The following ASCC3 variants were observed in gnomAD, a reference collection of about 807,000 sequenced individuals.
ASCC3 encodes the protein activating signal cointegrator 1 complex subunit 3.
In ASCC3, 158 loss-of-function variants were observed where a neutral mutation model predicts 256.3. That is an observed-to-expected ratio of 0.62 (90% CI 0.54 to 0.70). The LOEUF is 0.70. Ranked by LOEUF, ASCC3 falls within the 30% of genes least tolerant of loss-of-function variation. ASCC3 has a pLI of 0.00. For missense variants in ASCC3, 2,259 were observed against 2,626.0 expected (o/e 0.86, Z 3.05); for synonymous variants, 948 against 883.4 (o/e 1.07, Z -1.30).
intron 36 of ASCC3, among the ~76,000 whole-genome samples, chr6:100,547,855 C>T (rs1380046767): frequency 2.0e-5 from 3 of 151,302 alleles, no homozygotes; most frequent in African/African-American, 7.3e-5. Flanking sequence ...TAGTTGGCAG[C>T]AGCATTATTT....
intron 10 of ASCC3, among the ~76,000 whole-genome samples, chr6:100,741,995 G>A (rs575359420): frequency 7.9e-5 from 12 of 152,176 alleles, no homozygotes; most frequent in East Asian, 1.9e-4. Context: ...TCATCTTTGC[G>A]GGCTTATTTA....
intron 3 of ASCC3, among the ~76,000 whole-genome samples, chr6:100,851,894 TTCACCATC>T (rs1772687942): frequency 3.3e-5 from 5 of 152,172 alleles, no homozygotes; most frequent in Non-Finnish European, 7.3e-5. Flanking sequence ...AACTTCCACT[TTCACCATC>T]TTCCTGCAAC....
chr6:100,562,332 G>A (rs1467810859), intron 36 of ASCC3, among the ~76,000 whole-genome samples: 1 of 151,938 alleles, frequency 6.6e-6, no homozygotes, highest in Non-Finnish European at 1.5e-5. Flanking sequence ...AGGTATCACT[G>A]GAAATTCCTC....
chr6:100,721,738 A>G (rs970122447), intron 11 of ASCC3, among the ~76,000 whole-genome samples: 8 of 151,606 alleles, frequency 5.3e-5, no homozygotes, highest in African/African-American at 1.9e-4. Flanking sequence ...TATTTCTACA[A>G]TTTCATTTCT....
chr6:100,599,116 G>GA, intron 34 of ASCC3, among the ~76,000 whole-genome samples: 1 of 152,246 alleles, frequency 6.6e-6, no homozygotes, highest in East Asian at 1.9e-4. Context: ...GAAGGCTGGA[G>GA]AAATAAAATT....
At chr6:100,675,286 G>C (rs1433756122) in intron 14 of ASCC3, among the ~76,000 whole-genome samples, 3 of 152,086 alleles carry the variant, frequency 2.0e-5, no homozygotes, top group Middle Eastern at 3.2e-3. Context: ...ACTCTGTGAA[G>C]ATGATATTTT....
intron 10 of ASCC3, among the ~76,000 whole-genome samples, chr6:100,743,503 C>G (rs1780528457): frequency 6.6e-6 from 1 of 152,118 alleles, no homozygotes. Context: ...CCTATCAAAA[C>G]AGGCCACCTT....
rs554758557 is a variant in ASCC3 at position 100,525,956 on chromosome 6, T to C, written c.5776-7814A>G. On this transcript the variant is annotated intron_variant, in intron 37 of 41. Coordinates refer to ENST00000369162, the MANE Select transcript of ASCC3 (RefSeq NM_006828.4). ...CAATGATGGGAAAACCTGAAAAAGC[T>C]TTCTTGACAGAAAAGCCACTCCTTT... 4.6e-5 allele frequency among the ~76,000 whole-genome samples: 7 copies of C among 152,308 alleles called. No individual in the cohort carries two copies. The South Asian group carries it at 1.5e-3, about 32-fold the overall frequency.
intron 10 of ASCC3, among the ~76,000 whole-genome samples, chr6:100,740,339 G>A (rs745681197): frequency 1.1e-4 from 17 of 152,288 alleles, no homozygotes; most frequent in Non-Finnish European, 2.1e-4. Context: ...GTTGAGGAGT[G>A]TTTTACTTCC....
chr6:100,636,734 G>C (rs945429783), intron 25 of ASCC3, among the ~76,000 whole-genome samples: 26 of 152,176 alleles, frequency 1.7e-4, no homozygotes, highest in African/African-American at 6.3e-4. Context: ...ATAAGAAAGT[G>C]AAAGTTTTAT....
intron 8 of ASCC3, among the ~76,000 whole-genome samples, chr6:100,774,647 G>A (rs1430083513): frequency 6.6e-6 from 1 of 152,118 alleles, no homozygotes; most frequent in Non-Finnish European, 1.5e-5. Flanking sequence ...TTACAGGCGT[G>A]AGCCACTGCA....
At position 100,629,066 on chromosome 6, in the gene ASCC3, TC is replaced by T. The variant is rs770720583; in HGVS notation, c.4323del (p.Asn1442ThrfsTer11). The stretch of plus-strand genomic sequence containing the variant: ...AGAATAGTGACTTGCTGAACATAGT[TC>T]CTATTTTGCCAGCTTCTGCTGACTC... ...WDGVSRSWQN[R>X]NYVQQVTILI... On this transcript the variant is annotated frameshift_variant, in exon 27 of 42. Coordinates refer to ENST00000369162, the MANE Select transcript of ASCC3 (RefSeq NM_006828.4). 1 of 1,613,776 alleles carries T rather than the reference TC, an allele frequency of 6.2e-7. No homozygotes were observed. The highest frequency in any genetic ancestry group is 8.5e-7 in the Non-Finnish European group (1 of 1,179,876).
intron 10 of ASCC3, among the ~76,000 whole-genome samples, chr6:100,757,645 T>C (rs1178250738): frequency 1.3e-5 from 2 of 152,138 alleles, no homozygotes; most frequent in Non-Finnish European, 2.9e-5. Flanking sequence ...GAACAAGATA[T>C]TGTAGAAATC....
In ASCC3 at chr6:100,593,329, TAAC is replaced by T. The variant is rs893884783; in HGVS notation, c.5304-3273_5304-3271del. Among the ~76,000 whole-genome samples the T allele has an allele frequency of 7.6e-4, 115 of 152,152 alleles. 1 individual carries two copies. The highest frequency in any genetic ancestry group is 2.6e-3 in the African/African-American group (108 of 41,542). ...TTAGCAGTCCATTGGGAAAAAGTCATAACAAACCTCTCCCTATCATAAAAATTT... is the reference window on the plus strand; with the variant it reads ...TTAGCAGTCCATTGGGAAAAAGTCATAAACCTCTCCCTATCATAAAAATTT... On this transcript the variant is annotated intron_variant, in intron 34 of 41. Transcript: ENST00000369162.
At chr6:100,784,069 C>T (rs2114270894) in intron 8 of ASCC3, among the ~76,000 whole-genome samples, 1 of 152,122 alleles carries the variant, frequency 6.6e-6, no homozygotes, top group Middle Eastern at 3.4e-3. Context: ...ATTAAAAGTC[C>T]AAGTTAAAGG....
intron 37 of ASCC3, among the ~76,000 whole-genome samples, chr6:100,527,005 C>T (rs1426741836): frequency 2.0e-5 from 3 of 152,066 alleles, no homozygotes; most frequent in Admixed American, 6.6e-5. Flanking sequence ...TCTCTTTTTC[C>T]AGTCTTGCCT....
At chr6:100,602,629 T>C (rs1734606666) in intron 33 of ASCC3, among the ~76,000 whole-genome samples, 1 of 152,014 alleles carries the variant, frequency 6.6e-6, no homozygotes, top group Non-Finnish European at 1.5e-5. Flanking sequence ...GACAAAGAGA[T>C]GCTATTTAGA....
chr6:100,558,143 A>G (rs1203025201), intron 36 of ASCC3, among the ~76,000 whole-genome samples: 1 of 152,014 alleles, frequency 6.6e-6, no homozygotes, highest in African/African-American at 2.4e-5. Context: ...GAAGAAAACT[A>G]CATAAGACTA....
At chr6:100,586,683 G>C (rs535237017) in intron 36 of ASCC3, among the ~76,000 whole-genome samples, 2 of 152,080 alleles carry the variant, frequency 1.3e-5, no homozygotes, top group Admixed American at 6.6e-5. Context: ...CGTCACTCAC[G>C]CTGGGAGCTG....
Sources: allele counts gnomAD v4.1 joint callset (sites outside exome capture counted in the v4.1 genomes callset), GRCh38; gene constraint gnomAD v4.1.1; transcripts MANE v1.5; gene names NCBI Gene and HGNC (gene_info 2026-07-23, HGNC 2026-07-21).